SHISA9: variants seen among roughly 807,000 people sequenced by gnomAD.
SHISA9 encodes the protein shisa family member 9.
A neutral mutation model predicts 38.0 loss-of-function variants in SHISA9; 13 were observed. The ratio of observed to expected loss-of-function variants is 0.34; its 90% CI spans 0.22 to 0.54. The LOEUF (loss-of-function observed/expected upper bound fraction) is 0.54. SHISA9 is among the 20% of genes least tolerant of loss of function. The probability of loss-of-function intolerance (pLI) is 0.91; values close to 1 mark genes in which losing one functional copy is unlikely to be tolerated. For missense variants in SHISA9, 538 were observed against 575.8 expected (o/e 0.93, Z 0.67); for synonymous variants, 275 against 242.0 (o/e 1.14, Z -1.27).
At chr16:13,151,996 C>T (rs2050503829) in intron 2 of SHISA9, among the ~76,000 whole-genome samples, 1 of 152,168 alleles carries the variant, frequency 6.6e-6, no homozygotes, top group South Asian at 2.1e-4. Flanking sequence ...ATTTCTGCCG[C>T]CTTTACCTCT....
At position 13,203,398 on chromosome 16, in the gene SHISA9, C is replaced by T; in HGVS notation, c.696C>T (p.Ala232=). ...CTTCTGTGTCTTCACTTCCAGATGC[C>T]ACCCAGATGAACAACGCAGTGCCCA... ...DTRTPINNLH[A]TQMNNAVPTS... Residue 232 remains alanine (A), a synonymous_variant, in exon 3 of 5, where the codon GCC becomes GCT. Coordinates refer to ENST00000558583, the MANE Select transcript of SHISA9 (RefSeq NM_001145204.3). 1 of 1,529,454 alleles carries T rather than the reference C, an allele frequency of 6.5e-7. No individual in the cohort carries two copies. 94.7% of individuals were successfully genotyped at this position (1,529,454 alleles called of 1,614,324 possible).
At chr16:13,120,042 G>A (rs1007874571) in intron 2 of SHISA9, among the ~76,000 whole-genome samples, 2 of 152,094 alleles carry the variant, frequency 1.3e-5, no homozygotes, top group African/African-American at 4.8e-5. Context: ...AGGGCAGGTG[G>A]GCATGGGGTG....
chr16:13,434,419 G>GTTTTTTTTTTTTTTTGT, the SHISA9 span, among the ~76,000 whole-genome samples: 2 of 64,566 alleles, frequency 3.1e-5, no homozygotes, highest in Non-Finnish European at 6.4e-5. Context: ...GACAAGCTAT[G>GTTTTTTTTTTTTTTTGT]TTTTTTTTTT....
At chr16:13,096,231 C>T (rs555709447) in intron 2 of SHISA9, among the ~76,000 whole-genome samples, 4 of 152,244 alleles carry the variant, frequency 2.6e-5, no homozygotes, top group South Asian at 2.1e-4. Context: ...TTATAGTAGA[C>T]ACTCAATACA....
intron 2 of SHISA9, among the ~76,000 whole-genome samples, chr16:13,190,868 A>T (rs1389384359): frequency 6.6e-6 from 1 of 152,074 alleles, no homozygotes; most frequent in Non-Finnish European, 1.5e-5. Context: ...CTTGGGTAAC[A>T]CCAATGCCTC....
At chr16:13,367,628 A>C in the SHISA9 span, among the ~76,000 whole-genome samples, 1 of 126,934 alleles carries the variant, frequency 7.9e-6, no homozygotes, top group African/African-American at 2.9e-5. Context: ...TAATCCTAAC[A>C]CAAGGTTAAA....
chr16:13,518,141 T>C, the SHISA9 span, among the ~76,000 whole-genome samples: 1 of 152,090 alleles, frequency 6.6e-6, no homozygotes, highest in African/African-American at 2.4e-5. Flanking sequence ...CACTCCCACT[T>C]AGCTCCTAGG....
At chr16:13,059,495 T>A (rs276632) in intron 2 of SHISA9, among the ~76,000 whole-genome samples, 107,396 of 151,782 alleles carry the variant, frequency 0.71, 39,647 homozygotes, top group African/African-American at 0.9. Flanking sequence ...GTGGGGGACA[T>A]CACATACTGG....
chr16:13,148,507 A>T (rs1399310419), intron 2 of SHISA9, among the ~76,000 whole-genome samples: 2 of 152,126 alleles, frequency 1.3e-5, no homozygotes, highest in Admixed American at 6.6e-5. Context: ...CGTCACATTG[A>T]CACTCATATC....
chr16:13,249,221 G>A, the SHISA9 span, among the ~76,000 whole-genome samples: 6 of 152,288 alleles, frequency 3.9e-5, no homozygotes, highest in Admixed American at 2.6e-4. Context: ...CAGTAAGGAA[G>A]ATGAGTTTTC....
At chr16:13,038,143 T>A (rs904565009) in intron 2 of SHISA9, among the ~76,000 whole-genome samples, 1 of 152,022 alleles carries the variant, frequency 6.6e-6, no homozygotes, top group Non-Finnish European at 1.5e-5. Flanking sequence ...GTGTGCACCA[T>A]CATGCCTGGC....
At chr16:12,973,971 T>A (rs7201556) in intron 2 of SHISA9, among the ~76,000 whole-genome samples, 1 of 151,984 alleles carries the variant, frequency 6.6e-6, no homozygotes, top group African/African-American at 2.4e-5. Flanking sequence ...TTCCTTATTA[T>A]GCATAAGTGG....
chr16:13,245,650 C>A, the SHISA9 span, among the ~76,000 whole-genome samples: 1 of 152,166 alleles, frequency 6.6e-6, no homozygotes, highest in Non-Finnish European at 1.5e-5. Context: ...AAAAATTGCA[C>A]AAAGTAACCC....
chr16:13,375,271 C>G, the SHISA9 span, among the ~76,000 whole-genome samples: 1 of 152,122 alleles, frequency 6.6e-6, no homozygotes, highest in Non-Finnish European at 1.5e-5. Flanking sequence ...AATGGTATTG[C>G]CTAGGTTTTC....
chr16:13,342,931 G>A, the SHISA9 span, among the ~76,000 whole-genome samples: 10 of 152,252 alleles, frequency 6.6e-5, no homozygotes, highest in African/African-American at 2.2e-4. Flanking sequence ...ATCCTATGAC[G>A]TTTTCCTATT....
At chr16:13,072,848 A>G (rs1345112611) in intron 2 of SHISA9, among the ~76,000 whole-genome samples, 1 of 152,030 alleles carries the variant, frequency 6.6e-6, no homozygotes, top group African/African-American at 2.4e-5. Context: ...TTTAGTAGAG[A>G]TGGGGTTTTA....
chr16:13,524,786 C>T, the SHISA9 span, among the ~76,000 whole-genome samples: 1 of 150,986 alleles, frequency 6.6e-6, no homozygotes, highest in African/African-American at 2.4e-5. Context: ...AGGCTGGTTT[C>T]GAACTCCTAG....
the SHISA9 span, among the ~76,000 whole-genome samples, chr16:13,408,426 C>T: frequency 2.6e-5 from 4 of 152,240 alleles, no homozygotes; most frequent in Admixed American, 2.6e-4. Flanking sequence ...AACACCTTAT[C>T]CTTTTTATTC....
chr16:13,250,887 T>C, the SHISA9 span, among the ~76,000 whole-genome samples: 1 of 152,128 alleles, frequency 6.6e-6, no homozygotes, highest in Non-Finnish European at 1.5e-5. Context: ...ATTCAGATGC[T>C]CTGTGGGCTC....
Sources: gnomAD v4.1 joint callset for allele counts (sites outside exome capture counted in the v4.1 genomes callset) on GRCh38, gnomAD v4.1.1 for gene constraint, MANE v1.5 for transcripts, NCBI Gene and HGNC (gene_info 2026-07-23, HGNC 2026-07-21) for gene names.